The following RUNDC3B variants were observed in gnomAD, a reference collection of about 807,000 sequenced individuals.
RUNDC3B encodes the protein RUN domain containing 3B.
Under a neutral mutation model 58.4 loss-of-function variants are expected in RUNDC3B, and 33 were observed. That is an observed-to-expected ratio of 0.56 (90% CI 0.43 to 0.75). The LOEUF is 0.75. Ranked by LOEUF, RUNDC3B falls within the 30% of genes least tolerant of loss-of-function variation. The probability of loss-of-function intolerance (pLI) is 0.00; values close to 1 mark genes in which losing one functional copy is unlikely to be tolerated. For missense variants in RUNDC3B, 501 were observed against 535.7 expected, an observed-to-expected ratio of 0.94 and a Z score of 0.64; for synonymous variants, 193 against 195.2, an observed-to-expected ratio of 0.99 and a Z score of 0.10.
intron 4 of RUNDC3B, among the ~76,000 whole-genome samples, chr7:87,718,525 CAG>C (rs1268133578): frequency 2.0e-5 from 3 of 152,114 alleles, no homozygotes; most frequent in Non-Finnish European, 2.9e-5. Context: ...ATCTTTTAAT[CAG>C]GCCTTTCGAA....
At chr7:87,789,821 C>T (rs570034289) in intron 8 of RUNDC3B, among the ~76,000 whole-genome samples, 5 of 152,224 alleles carry the variant, frequency 3.3e-5, no homozygotes, top group South Asian at 2.1e-4. Context: ...AGAGCAAGAA[C>T]GACTTTGTAT....
intron 2 of RUNDC3B, among the ~76,000 whole-genome samples, chr7:87,683,004 A>G (rs995007836): frequency 6.6e-6 from 1 of 152,218 alleles, no homozygotes; most frequent in African/African-American, 2.4e-5. Flanking sequence ...TCTTCTGGAT[A>G]AGTTAGCACA....
chr7:87,643,034 G>A (rs951908407), intron 1 of RUNDC3B, among the ~76,000 whole-genome samples: 13 of 152,178 alleles, frequency 8.5e-5, no homozygotes, highest in Admixed American at 4.6e-4. Context: ...TCTTGCCTCA[G>A]CCTTCTGAGT....
chr7:87,636,192 T>A (rs1821754082), intron 1 of RUNDC3B, among the ~76,000 whole-genome samples: 1 of 152,214 alleles, frequency 6.6e-6, no homozygotes, highest in African/African-American at 2.4e-5. Flanking sequence ...CTCATACTAG[T>A]GAGCATTGTG....
chr7:87,823,382 T>G (rs1364947099), intron 10 of RUNDC3B, among the ~76,000 whole-genome samples: 1 of 138,000 alleles, frequency 7.2e-6, no homozygotes, highest in Non-Finnish European at 1.6e-5. Context: ...TTTCTTTCTT[T>G]AAAATTGAGT....
intron 6 of RUNDC3B, among the ~76,000 whole-genome samples, chr7:87,758,121 C>A (rs1311289604): frequency 6.6e-6 from 1 of 152,092 alleles, no homozygotes; most frequent in African/African-American, 2.4e-5. Context: ...GAGTTTGAGA[C>A]CAGCCTAGGC....
At chr7:87,683,922 T>A (rs1301213447) in intron 2 of RUNDC3B, among the ~76,000 whole-genome samples, 1 of 152,198 alleles carries the variant, frequency 6.6e-6, no homozygotes, top group South Asian at 2.1e-4. Context: ...GTACACCTCA[T>A]GGACACAGAC....
At chr7:87,820,611 T>C (rs1837364605) in intron 10 of RUNDC3B, among the ~76,000 whole-genome samples, 1 of 152,170 alleles carries the variant, frequency 6.6e-6, no homozygotes, top group South Asian at 2.1e-4. Context: ...ACCAATATCC[T>C]TGATGAACAT....
chr7:87,658,302 A>G (rs985036432), intron 2 of RUNDC3B, among the ~76,000 whole-genome samples: 1 of 152,228 alleles, frequency 6.6e-6, no homozygotes, highest in Admixed American at 6.5e-5. Flanking sequence ...TACAGTGGAA[A>G]GAACCAGTGA....
intron 3 of RUNDC3B, among the ~76,000 whole-genome samples, chr7:87,702,105 T>TGCACTCCA (rs1202805080): frequency 8.7e-6 from 1 of 114,624 alleles, no homozygotes; most frequent in Non-Finnish European, 1.6e-5. Flanking sequence ...ATCGCGCCAC[T>TGCACTCCA]GCACTCCAGC....
At chr7:87,686,116 A>G (rs528366510) in intron 2 of RUNDC3B, among the ~76,000 whole-genome samples, 1 of 152,276 alleles carries the variant, frequency 6.6e-6, no homozygotes, top group African/African-American at 2.4e-5. Flanking sequence ...CACTTGATGT[A>G]TACTTTCTGC....
chr7:87,666,756 A>T (rs1249550991), intron 2 of RUNDC3B, among the ~76,000 whole-genome samples: 1 of 152,024 alleles, frequency 6.6e-6, no homozygotes, highest in East Asian at 1.9e-4. Context: ...TATTTTCCCC[A>T]TTGCTTGTTT....
intron 8 of RUNDC3B, among the ~76,000 whole-genome samples, chr7:87,786,644 A>G (rs1175930152): frequency 1.3e-5 from 2 of 152,042 alleles, no homozygotes; most frequent in Admixed American, 6.6e-5. Flanking sequence ...TTTACAAACA[A>G]TACTGGTAGT....
chr7:87,758,540 C>T (rs1833499718), intron 6 of RUNDC3B, among the ~76,000 whole-genome samples: 1 of 152,102 alleles, frequency 6.6e-6, no homozygotes, highest in African/African-American at 2.4e-5. Context: ...GAAGAGACAA[C>T]ACACAGAGTG....
intron 10 of RUNDC3B, among the ~76,000 whole-genome samples, chr7:87,822,362 G>C (rs1329139719): frequency 6.6e-6 from 1 of 152,180 alleles, no homozygotes; most frequent in Non-Finnish European, 1.5e-5. Flanking sequence ...CAGTTAGAAT[G>C]GCGATCATTA....
In RUNDC3B at chr7:87,657,945, CAG is replaced by C. The variant is rs1402247525; in HGVS notation, c.238+7010_238+7011del. 2.0e-5 allele frequency among the ~76,000 whole-genome samples: 3 copies of C among 152,206 alleles called. No homozygotes were observed. In the East Asian group the frequency reaches 5.8e-4, roughly 29 times the overall value. ...CAGTGTCACAAAAAGCTAGTTAAAA[CAG>C]AAGGTTTAAATAAGATCCAGAGTTT... On this transcript the variant is annotated intron_variant, in intron 2 of 10. Coordinates refer to ENST00000394654, the MANE Select transcript of RUNDC3B (RefSeq NM_001134405.2).
chr7:87,765,693 G>C (rs1833941329), intron 6 of RUNDC3B, among the ~76,000 whole-genome samples: 1 of 152,028 alleles, frequency 6.6e-6, no homozygotes, highest in South Asian at 2.1e-4. Flanking sequence ...AATTTATTGA[G>C]ACTTGCTTTA....
chr7:87,785,943 T>C (rs1286471732), intron 8 of RUNDC3B, among the ~76,000 whole-genome samples: 2 of 152,138 alleles, frequency 1.3e-5, no homozygotes, highest in Admixed American at 1.3e-4. Flanking sequence ...GTTCCTTCAC[T>C]CCCCCCTTGC....
intron 6 of RUNDC3B, among the ~76,000 whole-genome samples, chr7:87,753,143 T>C (rs1407750825): frequency 6.6e-6 from 1 of 151,794 alleles, no homozygotes; most frequent in African/African-American, 2.4e-5. Context: ...CCAGTAGTCA[T>C]TCAGGAGCAG....
Sources: allele counts gnomAD v4.1 joint callset (sites outside exome capture counted in the v4.1 genomes callset), GRCh38; gene constraint gnomAD v4.1.1; transcripts MANE v1.5; gene names NCBI Gene and HGNC (gene_info 2026-07-23, HGNC 2026-07-21).